The following TBC1D1 variants were observed in gnomAD, a reference collection of about 807,000 sequenced individuals.
TBC1D1 encodes the protein TBC1 domain family member 1.
In TBC1D1, 89 loss-of-function variants were observed where a neutral mutation model predicts 125.6. The ratio of observed to expected loss-of-function variants is 0.71; its 90% confidence interval spans 0.60 to 0.85. The LOEUF is 0.85. Among genes scored for constraint, TBC1D1 ranks in the 40% least tolerant of loss-of-function variants. The probability of loss-of-function intolerance (pLI) is 0.00; values close to 1 mark genes in which losing one functional copy is unlikely to be tolerated. For missense variants in TBC1D1, 1,377 were observed against 1,469.2 expected (o/e 0.94, Z 1.03); for synonymous variants, 565 against 564.1 (o/e 1.00, Z -0.02).
At chr4:37,968,549 T>C (rs1731468204) in intron 2 of TBC1D1, among the ~76,000 whole-genome samples, 1 of 152,250 alleles carries the variant, frequency 6.6e-6, no homozygotes, top group Admixed American at 6.5e-5. Flanking sequence ...TAGAATGTTC[T>C]TGAGGTACCC....
chr4:37,967,582 A>T (rs539082710), intron 2 of TBC1D1, among the ~76,000 whole-genome samples: 1 of 152,272 alleles, frequency 6.6e-6, no homozygotes, highest in South Asian at 2.1e-4. Context: ...CTTATAAAAA[A>T]CAGAAAATTT....
At chr4:37,978,212 T>G (rs897870530) in intron 2 of TBC1D1, among the ~76,000 whole-genome samples, 2 of 147,742 alleles carry the variant, frequency 1.4e-5, no homozygotes, top group African/African-American at 5.0e-5. Flanking sequence ...TTCCCACCAG[T>G]TCGAGAACAC....
chr4:38,026,672 A>G (rs1745149429), intron 6 of TBC1D1, among the ~76,000 whole-genome samples: 1 of 152,108 alleles, frequency 6.6e-6, no homozygotes, highest in Non-Finnish European at 1.5e-5. Flanking sequence ...GGGTCAGCAT[A>G]TCCTTTCATT....
chr4:37,955,569 C>T (rs1226792971), intron 2 of TBC1D1, among the ~76,000 whole-genome samples: 1 of 152,198 alleles, frequency 6.6e-6, no homozygotes. Context: ...AATGTCTGTA[C>T]ATGTTCAGTA....
At chr4:37,891,774 C>T (rs1400556429) in intron 1 of TBC1D1, among the ~76,000 whole-genome samples, 1 of 150,892 alleles carries the variant, frequency 6.6e-6, no homozygotes, top group Non-Finnish European at 1.5e-5. Context: ...GTAACTTTGG[C>T]AGCTCCACCA....
intron 2 of TBC1D1, among the ~76,000 whole-genome samples, chr4:37,984,659 C>T (rs1456204296): frequency 2.0e-5 from 3 of 151,966 alleles, no homozygotes; most frequent in Non-Finnish European, 4.4e-5. Flanking sequence ...GCCTGGCCAA[C>T]ATGGCAAAAC....
chr4:38,110,321 G>C lies in TBC1D1; in HGVS notation c.2558-5389G>C, dbSNP rs566438210. On this transcript the variant is annotated intron_variant, in intron 15 of 19. Coordinates refer to ENST00000261439, the MANE Select transcript of TBC1D1 (RefSeq NM_015173.4). The stretch of plus-strand genomic sequence containing the variant: ...CTGAGGTCACCATTCTTGACCTGCT[G>C]CTTATTGAGTTTCTGATGCCTGGGA... The C allele has an allele frequency of 6.1e-6, 6 of 982,476 alleles. No homozygotes were observed. In the East Asian group the frequency reaches 6.8e-4, roughly 112 times the overall value. The allele number at this position is 982,476 out of a possible 1,614,324, so 60.9% of individuals were successfully genotyped here.
intron 2 of TBC1D1, among the ~76,000 whole-genome samples, chr4:37,949,148 A>G (rs902781043): frequency 8.5e-5 from 13 of 152,218 alleles, no homozygotes; most frequent in African/African-American, 3.1e-4. Context: ...AATCACAGGC[A>G]CAGATACGAT....
chr4:37,902,893 G>T (rs2152228623), intron 2 of TBC1D1, among the ~76,000 whole-genome samples: 1 of 152,290 alleles, frequency 6.6e-6, no homozygotes, highest in South Asian at 2.1e-4. Flanking sequence ...GTAGGTCTGG[G>T]GTGGACCCCA....
chr4:38,018,326 A>G, intron 3 of TBC1D1, 28 bp from the exon 4 acceptor site: 1 of 1,535,672 alleles, frequency 6.5e-7, no homozygotes, highest in South Asian at 1.1e-5. Context: ...AAGTTTGAAA[A>G]GCTAGATTTT....
At chr4:38,129,726 C>G (rs575237042) in intron 18 of TBC1D1, among the ~76,000 whole-genome samples, 1 of 152,218 alleles carries the variant, frequency 6.6e-6, no homozygotes, top group Non-Finnish European at 1.5e-5. Flanking sequence ...CATAAACAGA[C>G]AATTCACCGA....
chr4:38,111,285 G>A (rs779180122), intron 15 of TBC1D1, among the ~76,000 whole-genome samples: 18 of 152,188 alleles, frequency 1.2e-4, no homozygotes, highest in East Asian at 3.8e-4. Context: ...GTGAGTTGTC[G>A]TGTTAGCCTA....
At chr4:37,956,403 G>A (rs577531876) in intron 2 of TBC1D1, among the ~76,000 whole-genome samples, 3 of 152,252 alleles carry the variant, frequency 2.0e-5, no homozygotes, top group African/African-American at 4.8e-5. Flanking sequence ...TAAGTTTCCC[G>A]AGGGCAGGGG....
chr4:38,137,608 A>C lies in TBC1D1; in HGVS notation c.*273A>C, dbSNP rs1766860999. The C allele has an allele frequency of 8.0e-6, 3 of 374,720 alleles. No individual in the cohort carries two copies. The highest frequency in any genetic ancestry group is 1.4e-5 in the Non-Finnish European group (3 of 213,408). The allele number at this position is 374,720 out of a possible 1,614,324, so 23.2% of individuals were successfully genotyped here. On this transcript the variant is annotated 3_prime_UTR_variant, in exon 20 of 20. Coordinates refer to ENST00000261439, the MANE Select transcript of TBC1D1 (RefSeq NM_015173.4). ...AGATGGCGTGGACGTGAATAAATGC[A>C]ACTTATGTTTTCTTGTTGGTTCCTT...
At chr4:37,976,148 G>A (rs914624376) in intron 2 of TBC1D1, among the ~76,000 whole-genome samples, 1 of 152,166 alleles carries the variant, frequency 6.6e-6, no homozygotes, top group African/African-American at 2.4e-5. Flanking sequence ...GATACAAACT[G>A]CCATTTTCTG....
chr4:38,118,525 C>A, intron 17 of TBC1D1: 1 of 221,998 alleles, frequency 4.5e-6, no homozygotes, highest in Admixed American at 5.4e-5. Context: ...CATGAATTGC[C>A]TTCCTCAGCC....
At chr4:38,129,876 A>G (rs528351325) in intron 18 of TBC1D1, among the ~76,000 whole-genome samples, 1 of 152,328 alleles carries the variant, frequency 6.6e-6, no homozygotes, top group Admixed American at 6.5e-5. Context: ...CCAAGGGTAT[A>G]CTGTATGCAG....
At position 37,977,578 on chromosome 4, in the gene TBC1D1, C is replaced by T. The variant is rs1733439044; in HGVS notation, c.418-36931C>T. 2 of 603,304 alleles carry T rather than the reference C, an allele frequency of 3.3e-6. No homozygotes were observed. The highest frequency in any genetic ancestry group is 4.3e-6 in the Non-Finnish European group (2 of 470,312). The allele number at this position is 603,304 out of a possible 1,614,324, so 37.4% of individuals were successfully genotyped here. Reference sequence around the variant, plus strand: ...CGTTACCGGAGCGGAGCGGCAGGCGCGGGGCTGGAACATTTGTAACCTTCG... The same window carrying T: ...CGTTACCGGAGCGGAGCGGCAGGCGTGGGGCTGGAACATTTGTAACCTTCG... On this transcript the variant is annotated intron_variant, in intron 2 of 19. Transcript: ENST00000261439. The surrounding 1 kb of genome is among the most constrained non-coding windows in gnomAD (Gnocchi z 4.3).
At position 38,045,822 on chromosome 4, in the gene TBC1D1, TA is replaced by T; in HGVS notation, c.1551del (p.Ala518ProfsTer21). The stretch of plus-strand genomic sequence containing the variant: ...ACTGCCTTTTCTTTATGTAGGGTAA[TA>T]AAGCCAGAGGCCTGCAGGAACACTC... On this transcript the variant is annotated frameshift_variant, in exon 10 of 20. Coordinates refer to ENST00000261439, the MANE Select transcript of TBC1D1 (RefSeq NM_015173.4). LOFTEE classifies it high-confidence loss of function. 1 of 1,614,088 alleles carries T rather than the reference TA, an allele frequency of 6.2e-7. No individual in the cohort carries two copies. Among genetic ancestry groups the T allele is most frequent in the Non-Finnish European group, 8.5e-7 (1 of 1,179,934 alleles).
Sources: gnomAD v4.1 joint callset for allele counts (sites outside exome capture counted in the v4.1 genomes callset) on GRCh38, gnomAD v4.1.1 for gene constraint, Gnocchi (gnomAD v3.1) non-coding constraint, MANE v1.5 for transcripts, NCBI Gene and HGNC (gene_info 2026-07-23, HGNC 2026-07-21) for gene names.